The following KCNC4 variants were observed in gnomAD, a reference collection of about 807,000 sequenced individuals.
The protein encoded by KCNC4 is potassium voltage-gated channel subfamily C member 4.
Under a neutral mutation model 42.8 loss-of-function variants are expected in KCNC4, and 23 were observed. That is an observed-to-expected ratio of 0.54 (90% confidence interval 0.39 to 0.76). The LOEUF is 0.76. Ranked by LOEUF, KCNC4 falls within the 30% of genes least tolerant of loss-of-function variation. The pLI, the probability that KCNC4 is intolerant of heterozygous loss-of-function variation, is 0.00. For synonymous variants in KCNC4, 422 were observed against 393.5 expected, an observed-to-expected ratio of 1.07 and a Z score of -0.86; for missense variants, 751 against 898.2, an observed-to-expected ratio of 0.84 and a Z score of 2.10.
intron 3 of KCNC4, among the ~76,000 whole-genome samples, chr1:110,227,701 C>A (rs754684625): frequency 2.0e-5 from 3 of 152,198 alleles, no homozygotes; most frequent in Non-Finnish European, 4.4e-5. Context: ...AACGAGTGGT[C>A]CCTGTGTAGG....
downstream of KCNC4, among the ~76,000 whole-genome samples, chr1:110,254,019 C>T (rs956491796): frequency 6.7e-6 from 1 of 149,172 alleles, no homozygotes; most frequent in African/African-American, 2.5e-5. Context: ...CTTCCTCTAG[C>T]AGGAAGGGGA....
At chr1:110,212,252 G>A (rs1486989739) in intron 1 of KCNC4, 75 bp downstream of exon 1, 1 of 1,334,976 alleles carries the variant, frequency 7.5e-7, no homozygotes, top group African/African-American at 1.5e-5. Context: ...TAGGGGCCGG[G>A]AGGAGCAGGG....
intron 2 of KCNC4, chr1:110,225,047 C>G (rs1221243643): frequency 4.6e-5 from 7 of 152,282 alleles, no homozygotes. Context: ...CATTTCTCCC[C>G]CACCAAAGTG....
At chr1:110,213,551 G>A (rs550586515) in intron 1 of KCNC4, among the ~76,000 whole-genome samples, 5 of 152,368 alleles carry the variant, frequency 3.3e-5, no homozygotes, top group African/African-American at 1.2e-4. Flanking sequence ...CTGCCTGGAA[G>A]AGAAGGGAGG....
chr1:110,247,019 T>G, exon 4 of KCNC4: 1 of 151,660 alleles, frequency 6.6e-6, no homozygotes, highest in Admixed American at 6.5e-5. Context: ...AACATACTTG[T>G]CTTTCTGTGT....
chr1:110,261,865 C>T lies in KCNC4; in HGVS notation n.31-20669C>T, dbSNP rs142992344. ...CTCATGGCAAGTACTTAAGGTTTATCAAAATTAAAAAGTTACTTGTTTTTC... is the reference window on the plus strand; with the variant it reads ...CTCATGGCAAGTACTTAAGGTTTATTAAAATTAAAAAGTTACTTGTTTTTC... On this transcript the variant is annotated intron_variant and non_coding_transcript_variant, in intron 1 of 2. Transcript: ENST00000412512. 3.2e-3 allele frequency among the ~76,000 whole-genome samples: 483 copies of T among 152,262 alleles called. 6 individuals are homozygous for T. The highest frequency in any genetic ancestry group is 0.011 in the African/African-American group (452 of 41,550).
rs1658811372 is a variant in KCNC4 at position 110,233,419 on chromosome 1, G to A, written c.*447G>A. ...AGTCCCAGGCTCCTGTCTTGGGGAT[G>A]TTTCCCCTGTCAGCAAGTAACCTGG... On this transcript the variant is annotated 3_prime_UTR_variant, in exon 4 of 4. Coordinates refer to ENST00000438661, the MANE Select transcript of KCNC4 (RefSeq NM_001039574.3). 4.9e-6 allele frequency: 1 copy of A among 205,744 alleles called. No homozygotes were observed. Among genetic ancestry groups the A allele is most frequent in the Admixed American group, 5.3e-5 (1 of 18,706 alleles). 12.7% of individuals were successfully genotyped at this position (205,744 alleles called of 1,614,324 possible). A position where few individuals can be genotyped will look rare whatever the true frequency, so the allele number is the denominator to read the frequency against.
At chr1:110,217,715 T>C (rs1169815961) in intron 1 of KCNC4, among the ~76,000 whole-genome samples, 1 of 152,060 alleles carries the variant, frequency 6.6e-6, no homozygotes, top group Admixed American at 6.5e-5. Context: ...AGGTCCTGGC[T>C]CAGCATGGGG....
chr1:110,276,100 A>G lies in KCNC4; in HGVS notation n.31-6434A>G, dbSNP rs187570063. On this transcript the variant is annotated intron_variant and non_coding_transcript_variant, in intron 1 of 2. Transcript: ENST00000412512. ...TATAAGTGAGAGCTAAATAATGTGT[A>G]CAGCTGGACACAGAGTGTGGAATGA... 2.5e-3 allele frequency among the ~76,000 whole-genome samples: 383 copies of G among 152,134 alleles called. 1 individual carries two copies. Among genetic ancestry groups the G allele is most frequent in the African/African-American group, 8.9e-3 (368 of 41,552 alleles).
intron 1 of KCNC4, among the ~76,000 whole-genome samples, chr1:110,257,361 G>A (rs966290583): frequency 6.6e-6 from 1 of 151,536 alleles, no homozygotes; most frequent in Non-Finnish European, 1.5e-5. Flanking sequence ...CTTTAGTTCA[G>A]TCTTTCCTGT....
chr1:110,231,375 A>G (rs548060187), intron 3 of KCNC4, among the ~76,000 whole-genome samples: 1 of 152,126 alleles, frequency 6.6e-6, no homozygotes, highest in Non-Finnish European at 1.5e-5. Flanking sequence ...ATTCCTAGGA[A>G]GACCCCTCCC....
chr1:110,262,537 A>C (rs1230473521), intron 1 of KCNC4, among the ~76,000 whole-genome samples: 3 of 152,236 alleles, frequency 2.0e-5, no homozygotes, highest in African/African-American at 7.2e-5. Context: ...AGTTCAGGCC[A>C]ATAGGGAGTT....
At chr1:110,274,461 C>A (rs1570585980) in intron 1 of KCNC4, among the ~76,000 whole-genome samples, 1 of 152,134 alleles carries the variant, frequency 6.6e-6, no homozygotes, top group East Asian at 1.9e-4. Context: ...AGATTCAGTG[C>A]AATCCTTATC....
rs1256010333 is a variant in KCNC4 at position 110,223,313 on chromosome 1, T to C, written c.1028T>C (p.Leu343Pro). ...TCATCCAAGGCGGCCCGCGACGTGC[T>C]GGGCTTCCTGCGCGTGGTGCGCTTC... Reference protein sequence around the residue: ...GLSSKAARDVLGFLRVVRFVR... With the variant: ...GLSSKAARDVPGFLRVVRFVR... The change falls in exon 2 of 4, where the codon CTG becomes CCG. Residue 343 changes from leucine (L) to proline (P), a missense_variant. By Grantham distance (98) the Leu-to-Pro change is moderately conservative. Around this residue, in one of 4 missense-constraint regions of KCNC4, gnomAD observed 185 missense variants for 293.7 expected, o/e 0.63. Transcript: ENST00000438661. This position sits in a 1 kb window ranked among gnomAD's most constrained non-coding sequence, Gnocchi z 7.5. The C allele has an allele frequency of 6.2e-7, 1 of 1,614,138 alleles. No individual in the cohort carries two copies. Among genetic ancestry groups the C allele is most frequent in the Admixed American group, 1.7e-5 (1 of 60,022 alleles).
intron 1 of KCNC4, among the ~76,000 whole-genome samples, chr1:110,263,983 T>C (rs1659498075): frequency 6.6e-6 from 1 of 152,142 alleles, no homozygotes; most frequent in Non-Finnish European, 1.5e-5. Context: ...TTGGTACAAC[T>C]GAAGAATTCC....
chr1:110,274,350 A>C (rs187872886), intron 1 of KCNC4, among the ~76,000 whole-genome samples: 4 of 152,354 alleles, frequency 2.6e-5, no homozygotes, highest in Admixed American at 1.3e-4. Context: ...ACACTGATGA[A>C]AGAAACTGTA....
intron 3 of KCNC4, among the ~76,000 whole-genome samples, chr1:110,226,656 CA>C (rs1262447865): frequency 2.0e-5 from 3 of 152,204 alleles, no homozygotes; most frequent in Non-Finnish European, 4.4e-5. Context: ...CATCCTGCGC[CA>C]GGGGTCCTGG....
At chr1:110,268,345 C>A (rs540114434) in intron 1 of KCNC4, among the ~76,000 whole-genome samples, 2 of 152,186 alleles carry the variant, frequency 1.3e-5, no homozygotes, top group African/African-American at 4.8e-5. Flanking sequence ...CCGTGGCTCA[C>A]GCCTGTAATC....
In KCNC4 at chr1:110,211,925, C is replaced by G; in HGVS notation, c.426C>G (p.Pro142=). The G allele has an allele frequency of 6.2e-7, 1 of 1,611,610 alleles. No individual in the cohort carries two copies. ...GCATCGACGAGACCGACGTGGAACC[C>G]TGCTGCTGGATGACCTACCGGCAGC... ...FWGIDETDVE[P]CCWMTYRQHR... Residue 142 remains proline (P), a synonymous_variant, in exon 1 of 4, where the codon CCC becomes CCG. Transcript: ENST00000438661. The surrounding 1 kb of genome is among the most constrained non-coding windows in gnomAD (Gnocchi z 6.5).
Sources: allele counts gnomAD v4.1 joint callset (sites outside exome capture counted in the v4.1 genomes callset), GRCh38; gene constraint gnomAD v4.1.1; regional missense constraint gnomAD v4.1.1; non-coding constraint Gnocchi (gnomAD v3.1); transcripts MANE v1.5; gene names NCBI Gene and HGNC (gene_info 2026-07-23, HGNC 2026-07-21).